PRELID1: variants seen among roughly 807,000 people sequenced by gnomAD.
The protein encoded by PRELID1 is PRELI domain containing 1.
Under a neutral mutation model 29.0 loss-of-function variants are expected in PRELID1, and 15 were observed. That is an observed-to-expected ratio of 0.52 (90% CI 0.35 to 0.80). The LOEUF is 0.80. Ranked by LOEUF, PRELID1 falls within the 30% of genes least tolerant of loss-of-function variation. The pLI, the probability that PRELID1 is intolerant of heterozygous loss-of-function variation, is 0.01. For synonymous variants in PRELID1, 79 were observed against 106.5 expected (o/e 0.74, Z 1.59); for missense variants, 187 against 275.9 (o/e 0.68, Z 2.28).
At position 177,306,836 on chromosome 5, in the gene PRELID1, T is replaced by G; in HGVS notation, c.*266T>G. 1 of 728,510 alleles carries G rather than the reference T, an allele frequency of 1.4e-6. No homozygotes were observed. The allele number at this position is 728,510 out of a possible 1,614,324, so 45.1% of individuals were successfully genotyped here. Reference sequence around the variant, plus strand: ...GGCTCCAGGTAGCCTGCAGGTTAACTGGCGGTAAGTGCTAGACTGTAAGCC... The same window carrying G: ...GGCTCCAGGTAGCCTGCAGGTTAACGGGCGGTAAGTGCTAGACTGTAAGCC... On this transcript the variant is annotated 3_prime_UTR_variant, in exon 5 of 5. Coordinates refer to ENST00000303204, the MANE Select transcript of PRELID1 (RefSeq NM_013237.4).
In PRELID1 at chr5:177,303,939, C is replaced by G. The variant is rs751871711; in HGVS notation, c.-47C>G. On this transcript the variant is annotated 5_prime_UTR_variant, in exon 1 of 5. Transcript: ENST00000303204. This position sits in a 1 kb window ranked among gnomAD's most constrained non-coding sequence, Gnocchi z 6.1. The stretch of plus-strand genomic sequence containing the variant: ...CGGCCCTCGCGTGCCTCCCAGGCTC[C>G]GCACCCCTGATGCTGCGCGGGTGCT... 6.4e-7 allele frequency: 1 copy of G among 1,560,102 alleles called. No individual in the cohort carries two copies. Among genetic ancestry groups the G allele is most frequent in the African/African-American group, 1.4e-5 (1 of 73,886 alleles).
rs770853591 is a variant in PRELID1 at position 177,306,485 on chromosome 5, C to T, written c.575C>T (p.Thr192Met). The T allele has an allele frequency of 1.5e-5, 24 of 1,613,882 alleles. No homozygotes were observed. The highest frequency in any genetic ancestry group is 8.8e-5 in the South Asian group (8 of 91,026). The change falls in exon 5 of 5, where the codon ACG becomes ATG. Residue 192 changes from threonine (T) to methionine (M), a missense_variant. Physicochemically the swap from Thr to Met is moderately conservative, Grantham distance 81. Transcript: ENST00000303204. ...AKEAKEKAKE[T>M]ALAATEKAKD... Reference sequence around the variant, plus strand: ...GAAGCCAAGGAGAAGGCAAAGGAGACGGCACTGGCAGCTACAGAGAAGGCC... The same window carrying T: ...GAAGCCAAGGAGAAGGCAAAGGAGATGGCACTGGCAGCTACAGAGAAGGCC...
At chr5:177,306,292 G>C in intron 4 of PRELID1, 116 bp downstream of exon 4, 4 of 1,562,638 alleles carry the variant, frequency 2.6e-6, no homozygotes, top group Non-Finnish European at 3.5e-6. Context: ...GTCTGTACTG[G>C]GGGTGGGAGG....
At position 177,306,714 on chromosome 5, in the gene PRELID1, A is replaced by G; in HGVS notation, c.*144A>G. 2.5e-6 allele frequency: 3 copies of G among 1,218,130 alleles called. No homozygotes were observed. The highest frequency in any genetic ancestry group is 3.4e-6 in the Non-Finnish European group (3 of 883,260). 75.5% of individuals were successfully genotyped at this position (1,218,130 alleles called of 1,614,324 possible). ...TGTGGGGATGCAGTTTGGCATCTGC[A>G]GTACACCAAGCACATGATTCATGTC... On this transcript the variant is annotated 3_prime_UTR_variant, in exon 5 of 5. Coordinates refer to ENST00000303204, the MANE Select transcript of PRELID1 (RefSeq NM_013237.4).
At position 177,306,841 on chromosome 5, in the gene PRELID1, G is replaced by C; in HGVS notation, c.*271G>C. Reference sequence around the variant, plus strand: ...CAGGTAGCCTGCAGGTTAACTGGCGGTAAGTGCTAGACTGTAAGCCCGACA... The same window carrying C: ...CAGGTAGCCTGCAGGTTAACTGGCGCTAAGTGCTAGACTGTAAGCCCGACA... On this transcript the variant is annotated 3_prime_UTR_variant, in exon 5 of 5. Transcript: ENST00000303204. The C allele has an allele frequency of 1.4e-6, 1 of 728,864 alleles. No individual in the cohort carries two copies. Among genetic ancestry groups the C allele is most frequent in the Non-Finnish European group, 2.2e-6 (1 of 455,652 alleles). The allele number at this position is 728,864 out of a possible 1,614,324, so 45.1% of individuals were successfully genotyped here.
In PRELID1 at chr5:177,306,555, G is replaced by A. The variant is rs963873066; in HGVS notation, c.645G>A (p.Gln215=). The A allele has an allele frequency of 6.8e-6, 11 of 1,609,998 alleles. No homozygotes were observed. The highest frequency in any genetic ancestry group is 8.5e-6 in the Non-Finnish European group (10 of 1,178,426). The change falls in exon 5 of 5, where the codon CAG becomes CAA. Residue 215 remains glutamine (Q), a synonymous_variant. Coordinates refer to ENST00000303204, the MANE Select transcript of PRELID1 (RefSeq NM_013237.4). Reference sequence around the variant, plus strand: ...CGGCCACCAAGAAGCAGCAGCAGCAGCAACAGTTTGTGTAGCCAGTCTACC... The same window carrying A: ...CGGCCACCAAGAAGCAGCAGCAGCAACAACAGTTTGTGTAGCCAGTCTACC... The part of the protein sequence containing the change: ...SKAATKKQQQ[Q]QQFV
At position 177,303,843 on chromosome 5, in the gene PRELID1, G is replaced by A. The variant is rs770800488; in HGVS notation, c.-143G>A. On this transcript the variant is annotated 5_prime_UTR_variant, in exon 1 of 5. Transcript: ENST00000303204. The surrounding 1 kb of genome is among the most constrained non-coding windows in gnomAD (Gnocchi z 6.1). Reference sequence around the variant, plus strand: ...GGCGGCGGCGGCGGCGGCGGCAGCTGCTTGGGCGCGGTGCGGTGGTGACTG... The same window carrying A: ...GGCGGCGGCGGCGGCGGCGGCAGCTACTTGGGCGCGGTGCGGTGGTGACTG... 1.8e-6 allele frequency: 1 copy of A among 552,722 alleles called. No individual in the cohort carries two copies. Among genetic ancestry groups the A allele is most frequent in the Non-Finnish European group, 2.8e-6 (1 of 352,528 alleles). The allele number at this position is 552,722 out of a possible 1,614,324, so 34.2% of individuals were successfully genotyped here.
rs1760814797 is a variant in PRELID1, at chr5:177,304,858, A to G, written c.318+8A>G. ...AACCACGCCCGGCTGATGGTGAGAC[A>G]CCTCCTGTTGTGATTCTGCACCTCC... is the stretch of plus-strand genomic sequence containing the variant. On this transcript the variant is annotated splice_region_variant and intron_variant, in intron 2 of 4. Transcript: ENST00000303204. 6.3e-7 allele frequency: 1 copy of G among 1,595,474 alleles called. No individual in the cohort carries two copies. Among genetic ancestry groups the G allele is most frequent in the South Asian group, 1.1e-5 (1 of 89,626 alleles).
rs1760881629 is a variant in PRELID1, at chr5:177,306,543, G to A, written c.633G>A (p.Lys211=). 1 of 1,609,776 alleles carries A rather than the reference G, an allele frequency of 6.2e-7. No individual in the cohort carries two copies. Among genetic ancestry groups the A allele is most frequent in the East Asian group, 2.2e-5 (1 of 44,814 alleles). ...TCGCCAGCAAGGCGGCCACCAAGAAGCAGCAGCAGCAGCAACAGTTTGTGT... is the reference window on the plus strand; with the variant it reads ...TCGCCAGCAAGGCGGCCACCAAGAAACAGCAGCAGCAGCAACAGTTTGTGT... The part of the protein sequence containing the change: ...KDLASKAATK[K]QQQQQQFV Residue 211 remains lysine, a synonymous_variant, in exon 5 of 5, where the codon AAG becomes AAA. Transcript: ENST00000303204.
rs759200059 is a variant in PRELID1, at chr5:177,304,764, G to A, written c.232G>A (p.Val78Met). The part of the protein sequence containing the change: ...RLFPANVAHS[V>M]YVLEDSIVDP... Reference sequence around the variant, plus strand: ...ATTTCCTGCCAATGTTGCTCACTCGGTGTACGTCCTGGAGGACTCTATTGT... The same window carrying A: ...ATTTCCTGCCAATGTTGCTCACTCGATGTACGTCCTGGAGGACTCTATTGT... The change falls in exon 2 of 5, where the codon GTG becomes ATG. Residue 78 changes from valine (V) to methionine (M), a missense_variant. Physicochemically the swap from Val to Met is conservative, Grantham distance 21 (BLOSUM62 1). Transcript: ENST00000303204. 26 of 1,613,836 alleles carry A rather than the reference G, an allele frequency of 1.6e-5. No individual in the cohort carries two copies. The highest frequency in any genetic ancestry group is 2.1e-5 in the Non-Finnish European group (25 of 1,179,862).
At chr5:177,305,850 T>G in intron 2 of PRELID1, 21 bp from the exon 3 acceptor site, 1 of 1,597,380 alleles carries the variant, frequency 6.3e-7, no homozygotes, top group Non-Finnish European at 8.6e-7. Flanking sequence ...TGTTCCACGA[T>G]TGTGGTTGGC....
intron 2 of PRELID1, 43 bp downstream of exon 2, chr5:177,304,893 C>G (rs570600660): frequency 6.7e-7 from 1 of 1,497,860 alleles, no homozygotes; most frequent in African/African-American, 1.4e-5. Context: ...CCCCTCTCCC[C>G]TCCCCCCGAG....
At chr5:177,304,201 G>A in intron 1 of PRELID1, 124 bp downstream of exon 1, 1 of 986,894 alleles carries the variant, frequency 1.0e-6, no homozygotes, top group Non-Finnish European at 1.5e-6. Flanking sequence ...CCTTATCGGG[G>A]AAGCGGCCAG....
At chr5:177,306,261 T>C in intron 4 of PRELID1, 85 bp downstream of exon 4, 2 of 1,555,616 alleles carry the variant, frequency 1.3e-6, no homozygotes, top group Non-Finnish European at 1.8e-6. Flanking sequence ...GTCATTGCCC[T>C]GCTCTGAGCT....
chr5:177,304,182 C>T (rs1760794793), intron 1 of PRELID1, 105 bp downstream of exon 1: 8 of 1,104,374 alleles, frequency 7.2e-6, no homozygotes, highest in Non-Finnish European at 1.1e-5. Context: ...ATATCGAATC[C>T]TAGGTAGACC....
In PRELID1 at chr5:177,303,809, A is replaced by C. The variant is rs1436200100; in HGVS notation, c.-177A>C. On this transcript the variant is annotated 5_prime_UTR_variant, in exon 1 of 5. Transcript: ENST00000303204. This position sits in a 1 kb window ranked among gnomAD's most constrained non-coding sequence, Gnocchi z 6.1. ...TGCGCCGGAAGTGGCGCGCGGCCGG[A>C]CAACTCATGGCGGCGGCGGCGGCGG... 5 of 445,878 alleles carry C rather than the reference A, an allele frequency of 1.1e-5. No individual in the cohort carries two copies. Among genetic ancestry groups the C allele is most frequent in the Non-Finnish European group, 1.9e-5 (5 of 264,146 alleles). The allele number at this position is 445,878 out of a possible 1,614,324, so 27.6% of individuals were successfully genotyped here.
In PRELID1 at chr5:177,304,772, C is replaced by T. The variant is rs1760812532; in HGVS notation, c.240C>T (p.Val80=). 6.2e-7 allele frequency: 1 copy of T among 1,613,944 alleles called. No homozygotes were observed. The highest frequency in any genetic ancestry group is 8.5e-7 in the Non-Finnish European group (1 of 1,179,844). Residue 80 remains valine, a synonymous_variant, in exon 2 of 5, where the codon GTC becomes GTT. Transcript: ENST00000303204. ...FPANVAHSVY[V]LEDSIVDPQN... ...CCAATGTTGCTCACTCGGTGTACGT[C>T]CTGGAGGACTCTATTGTGGACCCAC...
rs760916846 is a variant in PRELID1 at position 177,304,634 on chromosome 5, C to T, written c.102C>T (p.Val34=). The change falls in exon 2 of 5, where the codon GTC becomes GTT. Residue 34 remains valine (V), a synonymous_variant. Transcript: ENST00000303204. ...ACCCTGACACCTGCAGCAAACATGT[C>T]TTGACGGAAGACATAGTACACCGGG... ...QRYPNPYSKH[V]LTEDIVHREV... 2 of 1,613,152 alleles carry T rather than the reference C, an allele frequency of 1.2e-6. No homozygotes were observed. Among genetic ancestry groups the T allele is most frequent in the East Asian group, 2.2e-5 (1 of 44,876 alleles).
chr5:177,306,881 G>A lies in PRELID1; in HGVS notation c.*311G>A. 1 of 729,406 alleles carries A rather than the reference G, an allele frequency of 1.4e-6. No individual in the cohort carries two copies. The highest frequency in any genetic ancestry group is 2.0e-5 in the South Asian group (1 of 48,840). 45.2% of individuals were successfully genotyped at this position (729,406 alleles called of 1,614,324 possible). ...TAAGCCCGACAAGGGCAGGGCTTTT[G>A]GTTTTGTTCTCTGATGTGTCTCAGT... is the stretch of plus-strand genomic sequence containing the variant. On this transcript the variant is annotated 3_prime_UTR_variant, in exon 5 of 5. Transcript: ENST00000303204.
Sources: allele counts gnomAD v4.1 joint callset, GRCh38; gene constraint gnomAD v4.1.1; non-coding constraint Gnocchi (gnomAD v3.1); transcripts MANE v1.5; gene names NCBI Gene and HGNC (gene_info 2026-07-23, HGNC 2026-07-21).